The following DLG2 variants were observed in gnomAD, a reference collection of about 807,000 sequenced individuals.
DLG2 encodes discs large MAGUK scaffold protein 2.
Under a neutral mutation model 132.5 loss-of-function variants are expected in DLG2, and 45 were observed. The observed-to-expected ratio is 0.34, with a 90% CI of 0.27 to 0.44. DLG2 has a LOEUF of 0.44. DLG2 is among the 20% of genes least tolerant of loss of function. DLG2 has a pLI of 1.00. For missense variants in DLG2, 1,045 were observed against 1,196.9 expected, an observed-to-expected ratio of 0.87 and a Z score of 1.87; for synonymous variants, 424 against 419.6, an observed-to-expected ratio of 1.01 and a Z score of -0.13.
chr11:84,193,356 A>C (rs2096452889), intron 8 of DLG2, among the ~76,000 whole-genome samples: 1 of 152,220 alleles, frequency 6.6e-6, no homozygotes. Flanking sequence ...ACTAACACAT[A>C]AGCAGGACAG....
At chr11:83,780,131 T>G (rs2094753126) in intron 18 of DLG2, among the ~76,000 whole-genome samples, 1 of 152,232 alleles carries the variant, frequency 6.6e-6, no homozygotes, top group East Asian at 1.9e-4. Context: ...TTCATATGCA[T>G]AAGCCTACAT....
At chr11:84,528,372 C>T (rs1163938845) in intron 7 of DLG2, among the ~76,000 whole-genome samples, 1 of 152,166 alleles carries the variant, frequency 6.6e-6, no homozygotes, top group Non-Finnish European at 1.5e-5. Context: ...TAAGAAAGCC[C>T]ATCCTATCAC....
chr11:84,889,385 T>A (rs1446902569), intron 6 of DLG2, among the ~76,000 whole-genome samples: 1 of 152,118 alleles, frequency 6.6e-6, no homozygotes, highest in Admixed American at 6.6e-5. Flanking sequence ...CTTAACTGAT[T>A]TGCAAAACTA....
chr11:83,837,850 T>C (rs1260600039), intron 16 of DLG2, among the ~76,000 whole-genome samples: 1 of 152,168 alleles, frequency 6.6e-6, no homozygotes, highest in Non-Finnish European at 1.5e-5. Context: ...ATTTGTGTTT[T>C]TCTACTCAAG....
At position 84,731,625 on chromosome 11, in the gene DLG2, GTA is replaced by G. The variant is rs1213119812; in HGVS notation, c.358-196896_358-196895del. Among the ~76,000 whole-genome samples the G allele has an allele frequency of 7.9e-5, 12 of 151,758 alleles. No homozygotes were observed. In the East Asian group the frequency reaches 2.1e-3, roughly 27 times the overall value. ...GAACATGGGAAGGACTGAGATAAAC[GTA>G]ATACAGAAAATAAGGGGAAATATCA... On this transcript the variant is annotated intron_variant, in intron 6 of 27. Coordinates refer to ENST00000376104, the MANE Select transcript of DLG2 (RefSeq NM_001142699.3).
chr11:84,118,553 A>T (rs1027811688), intron 9 of DLG2, among the ~76,000 whole-genome samples: 1 of 152,224 alleles, frequency 6.6e-6, no homozygotes, highest in African/African-American at 2.4e-5. Flanking sequence ...TTCAATTCTC[A>T]ACATCAATTC....
chr11:85,281,526 GA>G lies in DLG2; in HGVS notation c.186+3693del, dbSNP rs1452745853. On this transcript the variant is annotated intron_variant, in intron 4 of 27. Transcript: ENST00000376104. Reference sequence around the variant, plus strand: ...AAATATTTCTAATTTCTAACAACAGGATATTCTGTATGCCTTTTGGGAAGCT... The same window carrying G: ...AAATATTTCTAATTTCTAACAACAGGTATTCTGTATGCCTTTTGGGAAGCT... Among the ~76,000 whole-genome samples the G allele has an allele frequency of 2.6e-5, 4 of 152,084 alleles. No individual in the cohort carries two copies. In the South Asian group the frequency reaches 8.3e-4, roughly 32 times the overall value.
intron 5 of DLG2, among the ~76,000 whole-genome samples, chr11:85,134,824 C>T (rs1174900649): frequency 6.6e-6 from 1 of 151,944 alleles, no homozygotes; most frequent in African/African-American, 2.4e-5. Flanking sequence ...GATATAAAAA[C>T]CTTCAAAAGT....
At chr11:85,134,392 A>G (rs1237958360) in intron 5 of DLG2, among the ~76,000 whole-genome samples, 8 of 149,414 alleles carry the variant, frequency 5.4e-5, no homozygotes, top group Non-Finnish European at 7.5e-5. Flanking sequence ...AGCCGGGCGT[A>G]GTGGCGGGCG....
At chr11:85,562,383 A>G (rs914260867) in intron 3 of DLG2, among the ~76,000 whole-genome samples, 1 of 151,744 alleles carries the variant, frequency 6.6e-6, no homozygotes, top group African/African-American at 2.4e-5. Context: ...AATGTTTACC[A>G]TTTGTATTGA....
At chr11:84,535,303 T>C (rs1162476497) in intron 6 of DLG2, among the ~76,000 whole-genome samples, 1 of 151,920 alleles carries the variant, frequency 6.6e-6, no homozygotes, top group Non-Finnish European at 1.5e-5. Flanking sequence ...GGAGAAGGAG[T>C]ATTGATTTGG....
chr11:84,303,431 G>A (rs1043815426), intron 7 of DLG2, among the ~76,000 whole-genome samples: 2 of 152,126 alleles, frequency 1.3e-5, no homozygotes, highest in Non-Finnish European at 2.9e-5. Context: ...TGTACTCCAA[G>A]CACTTATATT....
intron 7 of DLG2, among the ~76,000 whole-genome samples, chr11:84,466,425 A>G (rs2099094565): frequency 6.6e-6 from 1 of 151,338 alleles, no homozygotes; most frequent in Non-Finnish European, 1.5e-5. Context: ...ATATAGAAAG[A>G]GCCTCCAGAA....
chr11:85,530,873 C>T (rs189283329), intron 3 of DLG2, among the ~76,000 whole-genome samples: 1 of 152,166 alleles, frequency 6.6e-6, no homozygotes, highest in Non-Finnish European at 1.5e-5. Context: ...TATTACATAG[C>T]TATCACACAC....
intron 14 of DLG2, among the ~76,000 whole-genome samples, chr11:83,957,215 G>A (rs2087111072): frequency 6.6e-6 from 1 of 152,190 alleles, no homozygotes. Flanking sequence ...ACAAACAGTG[G>A]GCTGGCTTCT....
chr11:83,600,513 C>T (rs978990640), intron 19 of DLG2, among the ~76,000 whole-genome samples: 1 of 152,154 alleles, frequency 6.6e-6, no homozygotes, highest in Non-Finnish European at 1.5e-5. Context: ...GGATTACTAT[C>T]GTAGCTACAT....
chr11:83,795,980 T>C (rs1266619142), intron 17 of DLG2, among the ~76,000 whole-genome samples: 1 of 152,254 alleles, frequency 6.6e-6, no homozygotes, highest in Non-Finnish European at 1.5e-5. Flanking sequence ...TCTTTCCTCA[T>C]CTGGAAAACT....
intron 6 of DLG2, among the ~76,000 whole-genome samples, chr11:84,667,702 T>C (rs1185964794): frequency 6.6e-6 from 1 of 152,030 alleles, no homozygotes; most frequent in Admixed American, 6.6e-5. Context: ...TTTCACCATG[T>C]TGGCCAGGCT....
intron 6 of DLG2, among the ~76,000 whole-genome samples, chr11:84,861,997 G>A (rs2083771891): frequency 7.1e-6 from 1 of 140,064 alleles, no homozygotes; most frequent in Non-Finnish European, 1.5e-5. Flanking sequence ...GAGAACACAT[G>A]GACACAGGAA....
Sources: gnomAD v4.1 joint callset for allele counts (sites outside exome capture counted in the v4.1 genomes callset) on GRCh38, gnomAD v4.1.1 for gene constraint, MANE v1.5 for transcripts, NCBI Gene and HGNC (gene_info 2026-07-23, HGNC 2026-07-21) for gene names.